Variants in LDLRAP1 observed in about 807,000 individuals in gnomAD.
LDLRAP1 encodes the protein low density lipoprotein receptor adaptor protein 1.
In LDLRAP1, 30 loss-of-function variants were observed where a neutral mutation model predicts 37.8. The ratio of observed to expected loss-of-function variants is 0.79; its 90% CI spans 0.59 to 1.08. The LOEUF (loss-of-function observed/expected upper bound fraction) is 1.08, where lower values mean the gene tolerates loss of function less well. Among genes scored for constraint, LDLRAP1 ranks in the 50% least tolerant of loss-of-function variants. LDLRAP1 has a pLI of 0.00. For missense variants in LDLRAP1, 375 were observed against 401.6 expected (o/e 0.93, Z 0.57); for synonymous variants, 156 against 169.8 (o/e 0.92, Z 0.63).
chr1:25,545,959 G>GCATTGGAGT (rs2043924031), intron 1 of LDLRAP1, among the ~76,000 whole-genome samples: 1 of 152,228 alleles, frequency 6.6e-6, no homozygotes, highest in Non-Finnish European at 1.5e-5. Context: ...GAGACTCTGA[G>GCATTGGAGT]CATTGGAGTC....
At chr1:25,578,863 C>T in the LDLRAP1 span, among the ~76,000 whole-genome samples, 3 of 152,122 alleles carry the variant, frequency 2.0e-5, no homozygotes, top group South Asian at 2.1e-4. Flanking sequence ...AGGTGAGAGA[C>T]GTGAGGGTTT....
In LDLRAP1 at chr1:25,568,297, T is replaced by A. The variant is rs1295712119; in HGVS notation, c.*1305T>A. ...AAATCCAACCCTGTCAGAATCATGC[T>A]GTTCTCTTTGCTGACACTGTGACCC... On this transcript the variant is annotated 3_prime_UTR_variant, in exon 9 of 9. Transcript: ENST00000374338. The A allele has an allele frequency of 6.6e-6, 1 of 152,542 alleles. No homozygotes were observed. Among genetic ancestry groups the A allele is most frequent in the Non-Finnish European group, 1.5e-5 (1 of 68,044 alleles). 9.4% of individuals were successfully genotyped at this position (152,542 alleles called of 1,614,324 possible).
intron 1 of LDLRAP1, among the ~76,000 whole-genome samples, chr1:25,548,580 C>T (rs1162863481): frequency 6.6e-6 from 1 of 152,054 alleles, no homozygotes; most frequent in Non-Finnish European, 1.5e-5. Context: ...AACTCCTGAC[C>T]TCAAGTGATC....
chr1:25,578,366 A>T, the LDLRAP1 span, among the ~76,000 whole-genome samples: 1 of 152,194 alleles, frequency 6.6e-6, no homozygotes, highest in African/African-American at 2.4e-5. Flanking sequence ...GCTGATATGC[A>T]GCTGGTGGAG....
In LDLRAP1 at chr1:25,543,690, G is replaced by A; in HGVS notation, c.-9G>A. ...GCTGCGGCAGCGGCGGCGGCGGCCG[G>A]AGCGGGCCATGGACGCGCTCAAGTC... On this transcript the variant is annotated 5_prime_UTR_variant, in exon 1 of 9. Coordinates refer to ENST00000374338, the MANE Select transcript of LDLRAP1 (RefSeq NM_015627.3). 8.2e-7 allele frequency: 1 copy of A among 1,215,528 alleles called. No homozygotes were observed. Among genetic ancestry groups the A allele is most frequent in the Non-Finnish European group, 1.0e-6 (1 of 977,818 alleles). The allele number at this position is 1,215,528 out of a possible 1,614,324, so 75.3% of individuals were successfully genotyped here.
chr1:25,560,179 C>T (rs567519697), intron 4 of LDLRAP1, among the ~76,000 whole-genome samples: 39 of 152,226 alleles, frequency 2.6e-4, no homozygotes, highest in African/African-American at 6.5e-4. Flanking sequence ...AGGCAGCTTC[C>T]GTTTGCAGTG....
At chr1:25,589,227 C>T in the LDLRAP1 span, among the ~76,000 whole-genome samples, 159 of 152,148 alleles carry the variant, frequency 1.0e-3, no homozygotes, top group African/African-American at 3.7e-3. Context: ...TTGCTTGAAC[C>T]TGGGAGGTGG....
At chr1:25,561,255 A>C (rs1158361972) in intron 4 of LDLRAP1, among the ~76,000 whole-genome samples, 4 of 152,228 alleles carry the variant, frequency 2.6e-5, no homozygotes, top group African/African-American at 9.6e-5. Flanking sequence ...ATGACAGCTT[A>C]AATTGTAAAC....
chr1:25,557,322 T>A, intron 4 of LDLRAP1, 55 bp downstream of exon 4: 1 of 1,399,520 alleles, frequency 7.1e-7, no homozygotes, highest in Non-Finnish European at 1.0e-6. Context: ...GCAGCCTTGC[T>A]CTGGGTGGGG....
At chr1:25,571,867 T>A (rs2044608440), downstream of LDLRAP1, among the ~76,000 whole-genome samples, 1 of 152,210 alleles carries the variant, frequency 6.6e-6, no homozygotes, top group Non-Finnish European at 1.5e-5. Flanking sequence ...ACAGCAATTC[T>A]GACTGCACCT....
chr1:25,576,943 G>A, the LDLRAP1 span, among the ~76,000 whole-genome samples: 2 of 152,262 alleles, frequency 1.3e-5, no homozygotes, highest in South Asian at 4.1e-4. Context: ...GCCAGCGGTG[G>A]GGTTCAGGCC....
intron 3 of LDLRAP1, among the ~76,000 whole-genome samples, chr1:25,556,071 G>T (rs2044190476): frequency 6.6e-6 from 1 of 152,184 alleles, no homozygotes; most frequent in African/African-American, 2.4e-5. Flanking sequence ...GACCCCCTGG[G>T]ATGGAGAAGA....
At chr1:25,558,877 G>A (rs1374360952) in intron 4 of LDLRAP1, among the ~76,000 whole-genome samples, 2 of 152,214 alleles carry the variant, frequency 1.3e-5, no homozygotes, top group African/African-American at 4.8e-5. Flanking sequence ...CCCACCACAG[G>A]TGTCATGGAA....
In LDLRAP1 at chr1:25,554,405, C is replaced by T. The variant is rs1205476936; in HGVS notation, c.231+341C>T. Among the ~76,000 whole-genome samples, 1 of 152,178 alleles carries T rather than the reference C, an allele frequency of 6.6e-6. No homozygotes were observed. Among genetic ancestry groups the T allele is most frequent in the Non-Finnish European group, 1.5e-5 (1 of 68,014 alleles). On this transcript the variant is annotated intron_variant, in intron 2 of 8. Coordinates refer to ENST00000374338, the MANE Select transcript of LDLRAP1 (RefSeq NM_015627.3). This position sits in a 1 kb window ranked among gnomAD's most constrained non-coding sequence, Gnocchi z 5.4. ...CAATGGCCTGAGAGACAGCATAGCCCATCAGAGAGCAGATTGCCCCCTCCC... is the reference window on the plus strand; with the variant it reads ...CAATGGCCTGAGAGACAGCATAGCCTATCAGAGAGCAGATTGCCCCCTCCC...
Position 25,543,640 on chromosome 1 carries a change from G to GA in LDLRAP1, c.-56dup. On this transcript the variant is annotated 5_prime_UTR_variant, in exon 1 of 9. Coordinates refer to ENST00000374338, the MANE Select transcript of LDLRAP1 (RefSeq NM_015627.3). ...AGCCCGCGCGCCGCAGGGCCGGGCGGAAAGTTTTTCCTGACGGAGTTTTGG... is the reference window on the plus strand; with the variant it reads ...AGCCCGCGCGCCGCAGGGCCGGGCGGAAAAGTTTTTCCTGACGGAGTTTTGG... The GA allele has an allele frequency of 2.6e-6, 3 of 1,159,658 alleles. No individual in the cohort carries two copies. The highest frequency in any genetic ancestry group is 3.2e-6 in the Non-Finnish European group (3 of 929,640). The allele number at this position is 1,159,658 out of a possible 1,614,324, so 71.8% of individuals were successfully genotyped here.
rs200433841 is a variant in LDLRAP1, at chr1:25,566,935, C to G, written c.870C>G (p.Val290=). The G allele has an allele frequency of 6.2e-7, 1 of 1,613,484 alleles. No individual in the cohort carries two copies. The highest frequency in any genetic ancestry group is 8.5e-7 in the Non-Finnish European group (1 of 1,180,036). Residue 290 remains valine, a synonymous_variant, in exon 9 of 9, where the codon GTC becomes GTG. Transcript: ENST00000374338. ...ATTACGCCCAGTGCCTCTCGCCTGT[C>G]GACTGGGACAAGCCTGACAGCAGCG... is the stretch of plus-strand genomic sequence containing the variant. ...DMHYAQCLSP[V]DWDKPDSSGT... is the part of the protein sequence containing the mutation.
chr1:25,574,120 C>T, the LDLRAP1 span, among the ~76,000 whole-genome samples: 1 of 152,208 alleles, frequency 6.6e-6, no homozygotes, highest in East Asian at 1.9e-4. Context: ...AGAGAAAGGG[C>T]ACCTGAGAGG....
rs1572057299 is a variant in LDLRAP1, at chr1:25,565,377, T to G, written c.782+170T>G. 5.9e-5 allele frequency among the ~76,000 whole-genome samples: 9 copies of G among 152,268 alleles called. 4 individuals carry two copies. Among genetic ancestry groups the G allele is most frequent in the Admixed American group, 5.9e-4 (9 of 15,298 alleles). On this transcript the variant is annotated intron_variant, in intron 8 of 8. Coordinates refer to ENST00000374338, the MANE Select transcript of LDLRAP1 (RefSeq NM_015627.3). ...ATGCTTCCAGGGGCAGGGAGCTCAC[T>G]GGGGAGGAAACCCCTTCCAGCGTTG...
intron 5 of LDLRAP1, 65 bp from the exon 6 acceptor site, chr1:25,563,005 C>G: frequency 6.8e-7 from 1 of 1,471,776 alleles, no homozygotes; most frequent in Non-Finnish European, 9.5e-7. Context: ...CACCCCTGCC[C>G]GGTGATTGCT....
Sources: gnomAD v4.1 joint callset for allele counts (sites outside exome capture counted in the v4.1 genomes callset) on GRCh38, gnomAD v4.1.1 for gene constraint, Gnocchi (gnomAD v3.1) non-coding constraint, MANE v1.5 for transcripts, NCBI Gene and HGNC (gene_info 2026-07-23, HGNC 2026-07-21) for gene names.